Variants in NFIA observed in about 807,000 individuals in gnomAD.
The protein encoded by NFIA is nuclear factor 1 A-type.
In NFIA, 8 loss-of-function variants were observed where a neutral mutation model predicts 62.8. The observed-to-expected ratio is 0.13, with a 90% CI of 0.07 to 0.23. The LOEUF is 0.23. NFIA is among the 10% of genes least tolerant of loss of function. NFIA has a pLI of 1.00. For synonymous variants in NFIA, 235 were observed against 238.1 expected (o/e 0.99, Z 0.12); for missense variants, 410 against 642.1 (o/e 0.64, Z 3.91).
chr1:61,363,820 C>A (rs1336964415), intron 6 of NFIA, among the ~76,000 whole-genome samples: 2 of 152,046 alleles, frequency 1.3e-5, no homozygotes, highest in African/African-American at 4.8e-5. Context: ...TAACCCTCAG[C>A]AGTTAGGTCT....
At chr1:61,157,944 T>C (rs1242126199) in intron 2 of NFIA, among the ~76,000 whole-genome samples, 3 of 152,244 alleles carry the variant, frequency 2.0e-5, no homozygotes, top group African/African-American at 7.2e-5. Context: ...CAGTGCTCTG[T>C]AAATTGTTAT....
intron 3 of NFIA, among the ~76,000 whole-genome samples, chr1:61,314,599 C>T (rs1265814982): frequency 6.6e-6 from 1 of 152,114 alleles, no homozygotes; most frequent in African/African-American, 2.4e-5. Context: ...TTGGCTCTAT[C>T]ATCTCTTCAA....
intron 7 of NFIA, among the ~76,000 whole-genome samples, chr1:61,388,526 T>A (rs1248583010): frequency 6.6e-6 from 1 of 152,352 alleles, no homozygotes; most frequent in Non-Finnish European, 1.5e-5. Context: ...GAAACTTATC[T>A]TTTTGCTTAA....
At chr1:61,371,438 T>C (rs1476715954) in intron 6 of NFIA, among the ~76,000 whole-genome samples, 1 of 152,188 alleles carries the variant, frequency 6.6e-6, no homozygotes, top group Non-Finnish European at 1.5e-5. Context: ...TCTATCAGCA[T>C]TGAAACCTTA....
intron 2 of NFIA, among the ~76,000 whole-genome samples, chr1:61,220,399 A>G (rs1335233660): frequency 2.0e-5 from 3 of 152,168 alleles, no homozygotes; most frequent in Admixed American, 2.0e-4. Context: ...TCGCTACTTT[A>G]TTATAACATA....
At chr1:61,273,121 C>T (rs1421306960) in intron 2 of NFIA, among the ~76,000 whole-genome samples, 1 of 152,142 alleles carries the variant, frequency 6.6e-6, no homozygotes, top group African/African-American at 2.4e-5. Context: ...GGGTTCCTCA[C>T]CAGTGTGTCT....
At chr1:61,078,275 AG>A (rs1406688199), upstream of NFIA, among the ~76,000 whole-genome samples, 1 of 151,852 alleles carries the variant, frequency 6.6e-6, no homozygotes, top group Admixed American at 6.6e-5. Context: ...AAAAAAAAAA[AG>A]CTGATCGGGG....
At chr1:61,229,228 G>A (rs1028971875) in intron 2 of NFIA, among the ~76,000 whole-genome samples, 24 of 151,542 alleles carry the variant, frequency 1.6e-4, no homozygotes, top group African/African-American at 5.8e-4. Flanking sequence ...GAACTAAAAA[G>A]CATAAAATAT....
intron 2 of NFIA, among the ~76,000 whole-genome samples, chr1:61,229,436 A>G (rs1293599485): frequency 6.6e-6 from 1 of 152,146 alleles, no homozygotes; most frequent in African/African-American, 2.4e-5. Context: ...GGCCTCCAAA[A>G]CATCATTGTT....
At position 61,088,190 on chromosome 1, in the gene NFIA, C is replaced by G. The variant is rs750571957; in HGVS notation, c.69C>G (p.Val23=). The change falls in exon 2 of 11, where the codon GTC becomes GTG. Residue 23 remains valine (V), a synonymous_variant. Coordinates refer to ENST00000403491, the MANE Select transcript of NFIA (RefSeq NM_001134673.4). This position sits in a 1 kb window ranked among gnomAD's most constrained non-coding sequence, Gnocchi z 4.5. ...HPFIEALLPH[V]RAFAYTWFNL... is the part of the protein sequence containing the mutation. Reference sequence around the variant, plus strand: ...TCATCGAAGCACTTCTGCCCCACGTCCGAGCCTTTGCCTACACATGGTTCA... The same window carrying G: ...TCATCGAAGCACTTCTGCCCCACGTGCGAGCCTTTGCCTACACATGGTTCA... The G allele has an allele frequency of 6.2e-7, 1 of 1,613,510 alleles. No individual in the cohort carries two copies. Among genetic ancestry groups the G allele is most frequent in the Non-Finnish European group, 8.5e-7 (1 of 1,179,894 alleles).
At chr1:61,191,642 T>A (rs563399967) in intron 2 of NFIA, among the ~76,000 whole-genome samples, 94 of 152,278 alleles carry the variant, frequency 6.2e-4, no homozygotes, top group African/African-American at 2.2e-3. Context: ...ATGTGCCTCT[T>A]TCTGGGTTCC....
At position 61,458,991 on chromosome 1, in the gene NFIA, T is replaced by A. The variant is rs1668423604; in HGVS notation, c.*3671T>A. 6.6e-6 allele frequency: 1 copy of A among 152,170 alleles called. No individual in the cohort carries two copies. The highest frequency in any genetic ancestry group is 1.5e-5 in the Non-Finnish European group (1 of 68,028). The allele number at this position is 152,170 out of a possible 1,614,324, so 9.4% of individuals were successfully genotyped here. The stretch of plus-strand genomic sequence containing the variant: ...ACGAAGTTACATTTTTGTTCATGTT[T>A]CATTGTCCAGAAAGCAGCAGGAAAC... On this transcript the variant is annotated 3_prime_UTR_variant, in exon 11 of 11. Coordinates refer to ENST00000403491, the MANE Select transcript of NFIA (RefSeq NM_001134673.4).
intron 10 of NFIA, among the ~76,000 whole-genome samples, chr1:61,447,708 A>C (rs1302078351): frequency 6.6e-6 from 1 of 152,190 alleles, no homozygotes; most frequent in Non-Finnish European, 1.5e-5. Context: ...TCTATTTTTC[A>C]TGAAAAAGCA....
In NFIA at chr1:61,357,750, G is replaced by A. The variant is rs560897647; in HGVS notation, c.819-1397G>A. Among the ~76,000 whole-genome samples, 8 of 152,238 alleles carry A rather than the reference G, an allele frequency of 5.3e-5. No homozygotes were observed. In the South Asian group the frequency reaches 1.7e-3, roughly 32 times the overall value. On this transcript the variant is annotated intron_variant, in intron 5 of 10. Transcript: ENST00000403491. ...CACTTTGCACAGCACCTGGCATGTA[G>A]GATGCGCACAGTAGGTATTTCATGA...
At chr1:61,152,006 A>G (rs1648453641) in intron 2 of NFIA, among the ~76,000 whole-genome samples, 1 of 152,192 alleles carries the variant, frequency 6.6e-6, no homozygotes, top group Non-Finnish European at 1.5e-5. Flanking sequence ...GTTCCATAAC[A>G]CTGTGATAAT....
chr1:61,360,810 A>G (rs1194381842), intron 6 of NFIA, among the ~76,000 whole-genome samples: 1 of 152,376 alleles, frequency 6.6e-6, no homozygotes, highest in South Asian at 2.1e-4. Context: ...ATTTTACTGT[A>G]TCATAATTAA....
At chr1:61,080,737 A>G (rs1214051088), upstream of NFIA, among the ~76,000 whole-genome samples, 1 of 152,198 alleles carries the variant, frequency 6.6e-6, no homozygotes, top group Non-Finnish European at 1.5e-5. Flanking sequence ...CTTAGTAAAT[A>G]ATCTTGAGAG....
At chr1:61,339,982 C>T (rs765407327) in intron 4 of NFIA, among the ~76,000 whole-genome samples, 4 of 152,184 alleles carry the variant, frequency 2.6e-5, no homozygotes, top group East Asian at 1.9e-4. Context: ...GGCAGGAATA[C>T]GCTTATGACA....
At chr1:61,329,049 CTTTTTTTTTT>C (rs369972455) in intron 3 of NFIA, among the ~76,000 whole-genome samples, 1 of 122,444 alleles carries the variant, frequency 8.2e-6, no homozygotes, top group Non-Finnish European at 1.7e-5. Context: ...TTCTTTTTTT[CTTTTTTTTTT>C]TTTTTTGAGA....
Sources: allele counts gnomAD v4.1 joint callset (sites outside exome capture counted in the v4.1 genomes callset), GRCh38; gene constraint gnomAD v4.1.1; non-coding constraint Gnocchi (gnomAD v3.1); transcripts MANE v1.5; gene names NCBI Gene and HGNC (gene_info 2026-07-23, HGNC 2026-07-21).